JMJD1C: variants seen among roughly 807,000 people sequenced by gnomAD.
JMJD1C encodes jumonji domain-containing protein 1C.
A neutral mutation model predicts 245.3 loss-of-function variants in JMJD1C; 31 were observed. The ratio of observed to expected loss-of-function variants is 0.13; its 90% CI spans 0.09 to 0.17. The LOEUF is 0.17. Among genes scored for constraint, JMJD1C ranks in the 10% least tolerant of loss-of-function variants. JMJD1C has a pLI of 1.00. For synonymous variants in JMJD1C, 1,057 were observed against 1,017.4 expected, an observed-to-expected ratio of 1.04 and a Z score of -0.74; for missense variants, 2,691 against 3,000.2, an observed-to-expected ratio of 0.90 and a Z score of 2.41.
chr10:63,235,980 A>G (rs1212285967), intron 3 of JMJD1C, among the ~76,000 whole-genome samples: 2 of 152,220 alleles, frequency 1.3e-5, no homozygotes, highest in African/African-American at 2.4e-5. Flanking sequence ...TTAGAAGAAT[A>G]TGGTATTCCA....
At chr10:63,418,947 C>T (rs748197302) in intron 1 of JMJD1C, among the ~76,000 whole-genome samples, 1 of 150,902 alleles carries the variant, frequency 6.6e-6, no homozygotes, top group Non-Finnish European at 1.5e-5. Flanking sequence ...CATGGTGGCA[C>T]GCGCCTGTAG....
chr10:63,380,756 T>C (rs1564855981), intron 1 of JMJD1C, among the ~76,000 whole-genome samples: 1 of 152,210 alleles, frequency 6.6e-6, no homozygotes, highest in East Asian at 1.9e-4. Flanking sequence ...TATCGAACAC[T>C]AGCACTTACT....
chr10:63,422,077 T>C (rs1271605205), intron 1 of JMJD1C, among the ~76,000 whole-genome samples: 3 of 152,154 alleles, frequency 2.0e-5, no homozygotes, highest in African/African-American at 7.2e-5. Flanking sequence ...TTTGAGATCA[T>C]AGAAGAGAGA....
chr10:63,287,558 GA>G (rs1388214589), intron 2 of JMJD1C, among the ~76,000 whole-genome samples: 1 of 152,092 alleles, frequency 6.6e-6, no homozygotes, highest in African/African-American at 2.4e-5. Context: ...ATGGCTAAAA[GA>G]AATAGAAATG....
At position 63,213,586 on chromosome 10, in the gene JMJD1C, G is replaced by C; in HGVS notation, c.2581C>G (p.Pro861Ala). The part of the protein sequence containing the change: ...SASYNQLGLY[P>A]IIWQYPNGTH... ...CCATTTGGATACTGCCAAATAATTG[G>C]ATAAAGTCCAAGCTGATTATATGAA... Residue 861 changes from proline (P) to alanine (A), a missense_variant, in exon 8 of 26, where the codon CCA (proline) becomes GCA (alanine). Coordinates refer to ENST00000399262, the MANE Select transcript of JMJD1C (RefSeq NM_032776.3). 6.2e-7 allele frequency: 1 copy of C among 1,614,108 alleles called. No individual in the cohort carries two copies. The highest frequency in any genetic ancestry group is 8.5e-7 in the Non-Finnish European group (1 of 1,179,940).
At chr10:63,440,143 T>C (rs920157286) in intron 1 of JMJD1C, among the ~76,000 whole-genome samples, 13 of 152,128 alleles carry the variant, frequency 8.5e-5, no homozygotes, top group African/African-American at 3.1e-4. Flanking sequence ...GAGATCAGCC[T>C]GACCAACATA....
At chr10:63,455,991 TTAG>T (rs1371101838) in intron 1 of JMJD1C, among the ~76,000 whole-genome samples, 2 of 152,152 alleles carry the variant, frequency 1.3e-5, no homozygotes, top group African/African-American at 4.8e-5. Flanking sequence ...CTTGTTATAC[TTAG>T]TAGTTCAAAG....
At chr10:63,176,227 G>T in intron 24 of JMJD1C, 70 bp downstream of exon 24, 1 of 1,157,174 alleles carries the variant, frequency 8.6e-7, no homozygotes, top group South Asian at 1.8e-5. Flanking sequence ...TCTATACTAA[G>T]AGCAATTTTT....
intron 22 of JMJD1C, among the ~76,000 whole-genome samples, chr10:63,181,660 CG>C (rs1372853017): frequency 6.6e-6 from 1 of 152,022 alleles, no homozygotes; most frequent in African/African-American, 2.4e-5. Flanking sequence ...GAAATTTTCT[CG>C]AAAGAAATAT....
intron 1 of JMJD1C, among the ~76,000 whole-genome samples, chr10:63,504,534 A>G (rs1954658403): frequency 6.6e-6 from 1 of 152,222 alleles, no homozygotes; most frequent in Admixed American, 6.5e-5. Context: ...AGAAAGGCCA[A>G]TAGGACTGAA....
intron 22 of JMJD1C, among the ~76,000 whole-genome samples, chr10:63,182,845 A>AT (rs916913954): frequency 6.6e-6 from 1 of 151,462 alleles, no homozygotes; most frequent in Non-Finnish European, 1.5e-5. Context: ...TCTTCAATAA[A>AT]TTTTTTTTGT....
chr10:63,243,360 C>T lies in JMJD1C; in HGVS notation c.447+21291G>A, dbSNP rs533566449. 2.6e-5 allele frequency among the ~76,000 whole-genome samples: 4 copies of T among 151,776 alleles called. No individual in the cohort carries two copies. The South Asian group carries it at 8.3e-4, about 31-fold the overall frequency. ...TGACCAACATGGAGAAGCCCCATCT[C>T]TACCAAAAATACAAAATTAGCCAGG... On this transcript the variant is annotated intron_variant, in intron 3 of 25. Transcript: ENST00000399262.
intron 3 of JMJD1C, among the ~76,000 whole-genome samples, chr10:63,239,670 T>C (rs1336201648): frequency 6.6e-6 from 1 of 152,188 alleles, no homozygotes; most frequent in African/African-American, 2.4e-5. Flanking sequence ...GGTCTCAAAC[T>C]CTTGACCTCA....
At chr10:63,226,714 C>A (rs367985773) in intron 3 of JMJD1C, among the ~76,000 whole-genome samples, 237 of 84,802 alleles carry the variant, frequency 2.8e-3, no homozygotes, top group South Asian at 5.2e-3. Context: ...AACCCTGTTT[C>A]AAAAAAAAAA....
chr10:63,276,679 G>A (rs1856805820), intron 2 of JMJD1C, among the ~76,000 whole-genome samples: 1 of 151,986 alleles, frequency 6.6e-6, no homozygotes, highest in African/African-American at 2.4e-5. Flanking sequence ...ATATTGGCCA[G>A]GGTGGTCTCC....
chr10:63,240,601 T>G (rs1210370409), intron 3 of JMJD1C, among the ~76,000 whole-genome samples: 1 of 152,166 alleles, frequency 6.6e-6, no homozygotes, highest in Non-Finnish European at 1.5e-5. Context: ...GTTCACATTA[T>G]AAGAAGTCCA....
intron 1 of JMJD1C, among the ~76,000 whole-genome samples, chr10:63,453,152 G>T (rs1301130200): frequency 6.6e-6 from 1 of 152,136 alleles, no homozygotes; most frequent in Non-Finnish European, 1.5e-5. Context: ...GCAGGTGCCT[G>T]TAACCACAGC....
intron 2 of JMJD1C, among the ~76,000 whole-genome samples, chr10:63,280,384 C>T (rs2133881469): frequency 6.6e-6 from 1 of 151,858 alleles, no homozygotes; most frequent in Admixed American, 6.6e-5. Flanking sequence ...CCGGTCTCTA[C>T]TAAAAATACA....
chr10:63,220,668 G>A (rs923236479), intron 3 of JMJD1C, among the ~76,000 whole-genome samples: 2 of 152,020 alleles, frequency 1.3e-5, no homozygotes, highest in African/African-American at 2.4e-5. Context: ...CAATTTGCTG[G>A]TCTCCCACTG....
Sources: gnomAD v4.1 joint callset for allele counts (sites outside exome capture counted in the v4.1 genomes callset) on GRCh38, gnomAD v4.1.1 for gene constraint, MANE v1.5 for transcripts, NCBI Gene and HGNC (gene_info 2026-07-23, HGNC 2026-07-21) for gene names.